The following RIMS1 variants were observed in gnomAD, a reference collection of about 807,000 sequenced individuals.
RIMS1 encodes the protein regulating synaptic membrane exocytosis protein 1.
Under a neutral mutation model 214.1 loss-of-function variants are expected in RIMS1, and 83 were observed. The ratio of observed to expected loss-of-function variants is 0.39; its 90% CI spans 0.32 to 0.47. The LOEUF (loss-of-function observed/expected upper bound fraction) is 0.47, where lower values mean the gene tolerates loss of function less well. RIMS1 is among the 20% of genes least tolerant of loss of function. The pLI, the probability that RIMS1 is intolerant of heterozygous loss-of-function variation, is 0.99. For synonymous variants in RIMS1, 793 were observed against 786.8 expected (o/e 1.01, Z -0.13); for missense variants, 2,050 against 2,161.8 (o/e 0.95, Z 1.03).
At chr6:71,971,548 G>T (rs984622954) in intron 2 of RIMS1, among the ~76,000 whole-genome samples, 1 of 152,250 alleles carries the variant, frequency 6.6e-6, no homozygotes, top group East Asian at 1.9e-4. Flanking sequence ...ACCAAATCTA[G>T]GCATAGATGG....
chr6:71,990,471 T>G (rs1801265124), intron 2 of RIMS1, among the ~76,000 whole-genome samples: 1 of 152,158 alleles, frequency 6.6e-6, no homozygotes, highest in Non-Finnish European at 1.5e-5. Flanking sequence ...AATGAAGCCT[T>G]GTAAGACTGT....
At chr6:71,928,282 G>A (rs141175062) in intron 1 of RIMS1, among the ~76,000 whole-genome samples, 1 of 151,904 alleles carries the variant, frequency 6.6e-6, no homozygotes, top group African/African-American at 2.4e-5. Context: ...AGTATACCCC[G>A]ATCATCCTTT....
chr6:72,326,589 A>C (rs1297560038), intron 28 of RIMS1, among the ~76,000 whole-genome samples: 1 of 151,968 alleles, frequency 6.6e-6, no homozygotes, highest in African/African-American at 2.4e-5. Flanking sequence ...CCATCTATAC[A>C]ATCAGTACAT....
At position 72,274,340 on chromosome 6, in the gene RIMS1, G is replaced by T. The variant is rs1219466789; in HGVS notation, c.3399-9G>T. 3.7e-6 allele frequency: 6 copies of T among 1,601,420 alleles called. No individual in the cohort carries two copies. The highest frequency in any genetic ancestry group is 5.1e-6 in the Non-Finnish European group (6 of 1,169,834). On this transcript the variant is annotated splice_polypyrimidine_tract_variant and intron_variant, in intron 22 of 33. Coordinates refer to ENST00000521978, the MANE Select transcript of RIMS1 (RefSeq NM_014989.7). ...CTGTTTTTTCCTGTCTTGTTCACTGGGCAAACAGGGGTAGATGGTCCCCCT... is the reference window on the plus strand; with the variant it reads ...CTGTTTTTTCCTGTCTTGTTCACTGTGCAAACAGGGGTAGATGGTCCCCCT...
intron 4 of RIMS1, among the ~76,000 whole-genome samples, chr6:72,150,774 C>T (rs2043441290): frequency 6.6e-6 from 1 of 152,180 alleles, no homozygotes; most frequent in Non-Finnish European, 1.5e-5. Context: ...TTTTCCTTTC[C>T]ATTCTACTTT....
chr6:72,362,553 T>TA (rs570707337), intron 29 of RIMS1, among the ~76,000 whole-genome samples: 221 of 151,988 alleles, frequency 1.5e-3, no homozygotes, highest in African/African-American at 4.2e-3. Flanking sequence ...AATACAAATT[T>TA]AAAAAAAAGC....
chr6:72,182,088 T>C (rs1304045248), intron 5 of RIMS1, among the ~76,000 whole-genome samples, 196 bp from the exon 6 acceptor site: 1 of 152,242 alleles, frequency 6.6e-6, no homozygotes, highest in African/African-American at 2.4e-5. Context: ...CTATATTTGG[T>C]AATAATTAAT....
intron 1 of RIMS1, among the ~76,000 whole-genome samples, chr6:71,958,456 G>C (rs923204670): frequency 6.6e-6 from 1 of 152,062 alleles, no homozygotes. Context: ...AGAGTACTCA[G>C]TCTGAAATTA....
At chr6:72,201,183 C>A (rs1172366238) in intron 6 of RIMS1, among the ~76,000 whole-genome samples, 3 of 152,222 alleles carry the variant, frequency 2.0e-5, no homozygotes, top group Admixed American at 6.5e-5. Flanking sequence ...AAAGAAATTT[C>A]TATTCTTGAA....
chr6:72,095,958 T>C (rs957594081), intron 2 of RIMS1, among the ~76,000 whole-genome samples: 11 of 152,244 alleles, frequency 7.2e-5, no homozygotes, highest in African/African-American at 2.2e-4. Flanking sequence ...TCAGTTCTCA[T>C]TTTCAAAACC....
At chr6:72,379,547 C>T (rs969625231) in intron 29 of RIMS1, among the ~76,000 whole-genome samples, 4 of 152,186 alleles carry the variant, frequency 2.6e-5, no homozygotes, top group African/African-American at 9.6e-5. Context: ...CCGGAAAGAA[C>T]ATGTGCTTTG....
chr6:72,084,552 C>T (rs1276116519), intron 2 of RIMS1, among the ~76,000 whole-genome samples: 4 of 152,152 alleles, frequency 2.6e-5, no homozygotes, highest in Admixed American at 6.6e-5. Flanking sequence ...CATGAGCCTT[C>T]TACACATGTA....
At chr6:72,059,274 T>G (rs1484414855) in intron 2 of RIMS1, among the ~76,000 whole-genome samples, 2 of 152,264 alleles carry the variant, frequency 1.3e-5, no homozygotes, top group Admixed American at 1.3e-4. Context: ...TTGCCCACGC[T>G]GCAGTATAGT....
chr6:72,334,647 C>T (rs1401255436), intron 29 of RIMS1, among the ~76,000 whole-genome samples: 2 of 151,728 alleles, frequency 1.3e-5, no homozygotes, highest in Non-Finnish European at 2.9e-5. Context: ...CTCTTAAAAC[C>T]AACATTGGTT....
intron 2 of RIMS1, among the ~76,000 whole-genome samples, chr6:72,050,225 A>C (rs556624462): frequency 2.0e-5 from 3 of 152,086 alleles, no homozygotes; most frequent in Non-Finnish European, 4.4e-5. Context: ...TATTTTTTTA[A>C]GAAAATGTTT....
At chr6:72,252,707 C>T (rs1033674676) in intron 15 of RIMS1, 54 bp from the exon 16 acceptor site, 28 of 1,459,958 alleles carry the variant, frequency 1.9e-5, no homozygotes, top group African/African-American at 8.4e-5. Context: ...GTGCTCTTTA[C>T]GTTTCATAAA....
chr6:72,110,663 C>G (rs1479603676), intron 4 of RIMS1, among the ~76,000 whole-genome samples: 1 of 151,058 alleles, frequency 6.6e-6, no homozygotes, highest in Admixed American at 6.6e-5. Flanking sequence ...GACAATTTGA[C>G]TTCCTCTTTT....
intron 2 of RIMS1, among the ~76,000 whole-genome samples, chr6:72,022,484 C>T (rs1428015674): frequency 6.6e-6 from 1 of 152,172 alleles, no homozygotes; most frequent in Non-Finnish European, 1.5e-5. Context: ...ATTTATATTA[C>T]ATATTTGTTG....
Position 71,896,873 on chromosome 6 carries a change from T to A in RIMS1, c.164+9686T>A, listed in dbSNP as rs923741002. Among the ~76,000 whole-genome samples the A allele has an allele frequency of 2.6e-5, 4 of 152,170 alleles. No homozygotes were observed. The East Asian group carries it at 7.7e-4, about 29-fold the overall frequency. ...CCATATTCTCCCATTTTATATGCAG[T>A]TCCTTGTGTATCTCCGTCAATGGCT... On this transcript the variant is annotated intron_variant, in intron 1 of 33. Coordinates refer to ENST00000521978, the MANE Select transcript of RIMS1 (RefSeq NM_014989.7).
Sources: allele counts gnomAD v4.1 joint callset (sites outside exome capture counted in the v4.1 genomes callset), GRCh38; gene constraint gnomAD v4.1.1; transcripts MANE v1.5; gene names NCBI Gene and HGNC (gene_info 2026-07-23, HGNC 2026-07-21).